EYS: variants seen among roughly 807,000 people sequenced by gnomAD.
EYS encodes EGF-like photoreceptor maintenance factor.
A neutral mutation model predicts 282.1 loss-of-function variants in EYS; 250 were observed. The ratio of observed to expected loss-of-function variants is 0.89; its 90% confidence interval spans 0.80 to 0.98. The LOEUF is 0.98. EYS is among the 50% of genes least tolerant of loss of function. The pLI is 0.00. For synonymous variants in EYS, 1,355 were observed against 1,282.9 expected (o/e 1.06, Z -1.20); for missense variants, 4,016 against 3,709.0 (o/e 1.08, Z -2.15).
chr6:64,033,846 C>A (rs12199829), intron 33 of EYS, among the ~76,000 whole-genome samples: 31,898 of 139,532 alleles, frequency 0.23, 3,501 homozygotes, highest in African/African-American at 0.27. Flanking sequence ...CTCTCTCTCT[C>A]TATATATATA....
At chr6:65,618,040 T>A (rs533637202) in intron 2 of EYS, among the ~76,000 whole-genome samples, 18 of 152,312 alleles carry the variant, frequency 1.2e-4, no homozygotes, top group African/African-American at 3.1e-4. Flanking sequence ...TATAGCAGCA[T>A]GATTTATAGT....
intron 19 of EYS, among the ~76,000 whole-genome samples, chr6:64,829,691 A>G (rs550128621): frequency 6.6e-6 from 1 of 152,102 alleles, no homozygotes; most frequent in African/African-American, 2.4e-5. Context: ...GGGATGGAAC[A>G]CTAAATTATA....
chr6:64,024,054 C>G (rs867788197), intron 33 of EYS, among the ~76,000 whole-genome samples: 63 of 152,318 alleles, frequency 4.1e-4, no homozygotes, highest in Non-Finnish European at 7.8e-4. Context: ...CGAGCCTCCC[C>G]GATGAGTGCC....
chr6:65,587,460 G>C (rs1765091996), intron 2 of EYS, among the ~76,000 whole-genome samples: 1 of 152,004 alleles, frequency 6.6e-6, no homozygotes, highest in South Asian at 2.1e-4. Flanking sequence ...GTTTTTGTAA[G>C]GGGCTTCCCC....
rs56891791 is a variant in EYS, at chr6:63,880,487, GTATCTATCTATC to G, written c.7056-16141_7056-16130del. Among the ~76,000 whole-genome samples the G allele has an allele frequency of 1.3e-4, 19 of 142,880 alleles. No individual in the cohort carries two copies. The South Asian group carries it at 1.9e-3, about 14-fold the overall frequency. 93.7% of individuals were successfully genotyped at this position (142,880 alleles called of 152,430 possible). A position where few individuals can be genotyped will look rare whatever the true frequency, so the allele number is the denominator to read the frequency against. On this transcript the variant is annotated intron_variant, in intron 35 of 42. Coordinates refer to ENST00000503581, the MANE Select transcript of EYS (RefSeq NM_001142800.2). ...TATCTGTCTGTCTGTCTGTCTGTCT[GTATCTATCTATC>G]TATCTATCTATCTATCTATCTATCT...
chr6:63,840,211 C>CTTATTATTATTATTATTATTA (rs377459471), intron 36 of EYS, among the ~76,000 whole-genome samples: 22 of 140,470 alleles, frequency 1.6e-4, no homozygotes, highest in African/African-American at 3.4e-4. Context: ...CCATGCCCAT[C>CTTATTATTATTATTATTATTA]TTATTATTAT....
At chr6:65,510,890 G>A (rs1381878260) in intron 2 of EYS, among the ~76,000 whole-genome samples, 1 of 152,148 alleles carries the variant, frequency 6.6e-6, no homozygotes, top group Non-Finnish European at 1.5e-5. Context: ...ATGGTGCAAT[G>A]TTTGATGACG....
At chr6:64,954,714 A>T (rs569375512) in intron 14 of EYS, among the ~76,000 whole-genome samples, 2 of 152,166 alleles carry the variant, frequency 1.3e-5, no homozygotes, top group Admixed American at 6.5e-5. Flanking sequence ...GCAGAGCAAG[A>T]TGGTGGAATA....
intron 31 of EYS, among the ~76,000 whole-genome samples, chr6:64,103,547 A>T (rs528794827): frequency 6.6e-6 from 1 of 152,312 alleles, no homozygotes; most frequent in African/African-American, 2.4e-5. Flanking sequence ...TCTGAAGTTC[A>T]GTTGGCCAGG....
At chr6:64,685,739 C>A (rs1398746837) in intron 22 of EYS, among the ~76,000 whole-genome samples, 2 of 152,036 alleles carry the variant, frequency 1.3e-5, no homozygotes, top group Non-Finnish European at 2.9e-5. Context: ...TTTATAGCAA[C>A]ACAAATTTAC....
intron 22 of EYS, among the ~76,000 whole-genome samples, chr6:64,721,060 A>G (rs1771562860): frequency 6.6e-6 from 1 of 152,168 alleles, no homozygotes; most frequent in Non-Finnish European, 1.5e-5. Flanking sequence ...TTCTACAACT[A>G]ATTATCAAGT....
At position 65,298,728 on chromosome 6, in the gene EYS, T is replaced by TTA. The variant is rs1039939333; in HGVS notation, c.1767-2611_1767-2610dup. On this transcript the variant is annotated intron_variant, in intron 11 of 42. Transcript: ENST00000503581. ...TACAAACCTACCTACACATACATAT[T>TTA]TATATATATATATATTTAAATTCTC... Among the ~76,000 whole-genome samples the TTA allele has an allele frequency of 2.3e-3, 345 of 150,162 alleles. 5 individuals are homozygous for TTA. Among genetic ancestry groups the TTA allele is most frequent in the Middle Eastern group, 0.01 (3 of 288 alleles).
intron 26 of EYS, among the ~76,000 whole-genome samples, chr6:64,519,901 C>T (rs1230832484): frequency 6.6e-6 from 1 of 151,774 alleles, no homozygotes; most frequent in Non-Finnish European, 1.5e-5. Context: ...GTCTAACTCA[C>T]ATCTAGAAAT....
At chr6:65,033,478 G>A (rs917038664) in intron 13 of EYS, among the ~76,000 whole-genome samples, 1 of 152,146 alleles carries the variant, frequency 6.6e-6, no homozygotes, top group African/African-American at 2.4e-5. Flanking sequence ...CGGTCACAAG[G>A]CCCTTTTGAA....
chr6:63,976,843 T>C (rs558739597), intron 35 of EYS, among the ~76,000 whole-genome samples: 139 of 152,178 alleles, frequency 9.1e-4, no homozygotes, highest in African/African-American at 3.3e-3. Flanking sequence ...GAAGCTCATA[T>C]AATTTTGTGA....
At chr6:64,325,916 G>A (rs1312717706) in intron 29 of EYS, among the ~76,000 whole-genome samples, 10 of 152,036 alleles carry the variant, frequency 6.6e-5, no homozygotes, top group Non-Finnish European at 1.5e-4. Context: ...TATATTAAAT[G>A]AACAAACCTA....
chr6:64,919,996 A>T (rs980499736), intron 15 of EYS, among the ~76,000 whole-genome samples: 1 of 152,176 alleles, frequency 6.6e-6, no homozygotes, highest in African/African-American at 2.4e-5. Context: ...CCAAAGTTAA[A>T]TACATTTGAA....
chr6:65,259,033 C>T (rs1204461222), intron 12 of EYS, among the ~76,000 whole-genome samples: 3 of 151,984 alleles, frequency 2.0e-5, no homozygotes, highest in Non-Finnish European at 4.4e-5. Context: ...ATTTCCAGAT[C>T]TACGCAAGAT....
intron 35 of EYS, among the ~76,000 whole-genome samples, chr6:63,955,720 A>T (rs1233593069): frequency 7.9e-5 from 12 of 151,570 alleles, no homozygotes; most frequent in Non-Finnish European, 1.5e-5. Flanking sequence ...ATGACAACAT[A>T]AAAAAAAACT....
Sources: gnomAD v4.1 joint callset for allele counts (sites outside exome capture counted in the v4.1 genomes callset) on GRCh38, gnomAD v4.1.1 for gene constraint, MANE v1.5 for transcripts, NCBI Gene and HGNC (gene_info 2026-07-23, HGNC 2026-07-21) for gene names.